FHIT: variants seen among roughly 807,000 people sequenced by gnomAD.
FHIT encodes fragile histidine triad diadenosine triphosphatase.
In FHIT, 19 loss-of-function variants were observed where a neutral mutation model predicts 17.9. The observed-to-expected ratio is 1.06, with a 90% CI of 0.74 to 1.56. The LOEUF is 1.56. FHIT is among the 40% of genes most tolerant of loss of function. FHIT has a pLI of 0.00. For synonymous variants in FHIT, 81 were observed against 69.7 expected (o/e 1.16, Z -0.81); for missense variants, 248 against 189.2 (o/e 1.31, Z -1.82).
intron 4 of FHIT, among the ~76,000 whole-genome samples, chr3:60,543,420 T>C (rs242188): frequency 0.95 from 144,656 of 152,280 alleles, 68,784 homozygotes; most frequent in East Asian, 1. Context: ...AATTGTAAGA[T>C]GGGTGAGGGG....
intron 5 of FHIT, among the ~76,000 whole-genome samples, chr3:60,532,178 A>G (rs560534453): frequency 5.3e-5 from 8 of 152,172 alleles, no homozygotes; most frequent in Non-Finnish European, 7.3e-5. Flanking sequence ...GGTTTCTGTC[A>G]TTACACACCC....
At chr3:61,201,307 T>C (rs1225930382) in intron 1 of FHIT, among the ~76,000 whole-genome samples, 1 of 152,232 alleles carries the variant, frequency 6.6e-6, no homozygotes, top group Non-Finnish European at 1.5e-5. Flanking sequence ...ATAAATACTA[T>C]GCACTGACCA....
intron 4 of FHIT, among the ~76,000 whole-genome samples, chr3:60,699,935 T>A (rs9816751): frequency 0.12 from 17,722 of 151,862 alleles, 2,291 homozygotes; most frequent in African/African-American, 0.32. Flanking sequence ...TCTGAGGTCA[T>A]GGAGTTCAAG....
chr3:60,690,234 T>G (rs1222398584), intron 4 of FHIT: 7 of 526,530 alleles, frequency 1.3e-5, no homozygotes, highest in Admixed American at 4.0e-5. Flanking sequence ...ATTAGAGCTG[T>G]CCACAGTCAG....
At chr3:60,855,469 G>C (rs1453750852) in intron 3 of FHIT, among the ~76,000 whole-genome samples, 1 of 152,096 alleles carries the variant, frequency 6.6e-6, no homozygotes, top group Non-Finnish European at 1.5e-5. Flanking sequence ...GTGACCATGA[G>C]GCAATAGCCA....
chr3:60,043,121 A>T (rs754675127), intron 5 of FHIT, among the ~76,000 whole-genome samples: 2 of 152,168 alleles, frequency 1.3e-5, no homozygotes, highest in Non-Finnish European at 1.5e-5. Context: ...CTTCTACTTC[A>T]TTCTCCCTTG....
chr3:60,794,105 C>A (rs1700888667), intron 4 of FHIT, among the ~76,000 whole-genome samples: 1 of 151,880 alleles, frequency 6.6e-6, no homozygotes, highest in African/African-American at 2.4e-5. Context: ...TCACCCTTCA[C>A]CTAGTCCTTC....
intron 4 of FHIT, among the ~76,000 whole-genome samples, chr3:60,604,515 T>C (rs1469733707): frequency 6.6e-6 from 1 of 152,196 alleles, no homozygotes; most frequent in Non-Finnish European, 1.5e-5. Context: ...AGGTTTTAAG[T>C]ATGAAAGGGT....
chr3:61,226,194 C>A (rs547797943), intron 1 of FHIT, among the ~76,000 whole-genome samples: 2 of 152,230 alleles, frequency 1.3e-5, no homozygotes, highest in African/African-American at 4.8e-5. Context: ...TCATCAGGCG[C>A]TGAGGGGTGG....
intron 3 of FHIT, among the ~76,000 whole-genome samples, chr3:60,855,454 G>A (rs533572056): frequency 5.3e-5 from 8 of 152,208 alleles, no homozygotes; most frequent in Admixed American, 3.3e-4. Context: ...TGTAGAAGCC[G>A]TCTTGTGACC....
chr3:60,623,890 A>G (rs868965566), intron 4 of FHIT, among the ~76,000 whole-genome samples: 3 of 152,194 alleles, frequency 2.0e-5, no homozygotes, highest in Non-Finnish European at 4.4e-5. Flanking sequence ...GTCTCCCTCC[A>G]TACCCCCCAC....
At chr3:60,457,190 G>T (rs1236325475) in intron 5 of FHIT, among the ~76,000 whole-genome samples, 1 of 151,894 alleles carries the variant, frequency 6.6e-6, no homozygotes. Flanking sequence ...ATACTACAAG[G>T]CTACAGTAAC....
chr3:60,339,016 T>C (rs1710382276), intron 5 of FHIT, among the ~76,000 whole-genome samples: 1 of 152,192 alleles, frequency 6.6e-6, no homozygotes. Context: ...AGATACCATC[T>C]GGCATATAGT....
At position 59,864,718 on chromosome 3, in the gene FHIT, C is replaced by T. The variant is rs143869829; in HGVS notation, c.348+57628G>A. ...ATGCATGCATTACCCTCTCTCTGCACACAACGTGGGCCTCTAAGAAGCAAT... is the reference window on the plus strand; with the variant it reads ...ATGCATGCATTACCCTCTCTCTGCATACAACGTGGGCCTCTAAGAAGCAAT... On this transcript the variant is annotated intron_variant, in intron 8 of 9. Coordinates refer to ENST00000492590, the MANE Select transcript of FHIT (RefSeq NM_002012.4). Among the ~76,000 whole-genome samples, 9 of 151,444 alleles carry T rather than the reference C, an allele frequency of 5.9e-5. No individual in the cohort carries two copies. In the East Asian group the frequency reaches 1.8e-3, roughly 29 times the overall value.
chr3:60,732,065 C>A lies in FHIT; in HGVS notation c.-18+89854G>T, dbSNP rs537876413. The stretch of plus-strand genomic sequence containing the variant: ...ACAATACAAAGATTCTAGGATACTG[C>A]GAGCAAATGGGGTGGAGGGGTAGTC... On this transcript the variant is annotated intron_variant, in intron 4 of 9. Coordinates refer to ENST00000492590, the MANE Select transcript of FHIT (RefSeq NM_002012.4). 1.4e-5 allele frequency: 8 copies of A among 554,880 alleles called. 1 individual carries two copies. Among genetic ancestry groups the A allele is most frequent in the South Asian group, 3.8e-5 (2 of 52,018 alleles). 34.4% of individuals were successfully genotyped at this position (554,880 alleles called of 1,614,324 possible).
At chr3:60,421,004 G>A (rs372143250) in intron 5 of FHIT, among the ~76,000 whole-genome samples, 23 of 147,408 alleles carry the variant, frequency 1.6e-4, no homozygotes, top group African/African-American at 5.5e-4. Flanking sequence ...AATTACCTCT[G>A]TAAAGAACTA....
chr3:61,083,092 A>G (rs1044226946), intron 2 of FHIT, among the ~76,000 whole-genome samples: 12 of 152,332 alleles, frequency 7.9e-5, no homozygotes, highest in African/African-American at 2.9e-4. Context: ...TGATGTCTTT[A>G]GTTCATAAAC....
At chr3:60,785,962 CAA>C (rs1425019851) in intron 4 of FHIT, among the ~76,000 whole-genome samples, 8 of 148,184 alleles carry the variant, frequency 5.4e-5, no homozygotes, top group African/African-American at 1.3e-4. Context: ...AGATTAGTAA[CAA>C]AGAGATTATC....
intron 5 of FHIT, among the ~76,000 whole-genome samples, chr3:60,259,558 T>C (rs1387113781): frequency 1.3e-5 from 2 of 152,118 alleles, no homozygotes; most frequent in Non-Finnish European, 2.9e-5. Flanking sequence ...GGGAGTATCT[T>C]AAAATATTCA....
Sources: allele counts gnomAD v4.1 joint callset (sites outside exome capture counted in the v4.1 genomes callset), GRCh38; gene constraint gnomAD v4.1.1; transcripts MANE v1.5; gene names NCBI Gene and HGNC (gene_info 2026-07-23, HGNC 2026-07-21).